The following APC variants were observed in gnomAD, a reference collection of about 807,000 sequenced individuals.
APC encodes APC regulator of Wnt signaling pathway, also known as adenomatous polyposis coli protein.
A neutral mutation model predicts 247.0 loss-of-function variants in APC; 72 were observed. The ratio of observed to expected loss-of-function variants is 0.29; its 90% CI spans 0.24 to 0.35. APC has a LOEUF of 0.35. Ranked by LOEUF, APC falls within the 10% of genes least tolerant of loss-of-function variation. The probability of loss-of-function intolerance (pLI) is 1.00; values close to 1 mark genes in which losing one functional copy is unlikely to be tolerated. For synonymous variants in APC, 1,254 were observed against 1,162.5 expected (o/e 1.08, Z -1.60); for missense variants, 3,400 against 3,360.7 (o/e 1.01, Z -0.29).
chr5:112,732,023 A>G (rs1174108816), intron 1 of APC, among the ~76,000 whole-genome samples: 4 of 152,186 alleles, frequency 2.6e-5, no homozygotes, highest in South Asian at 2.1e-4. Flanking sequence ...TGGCCTCCCA[A>G]AGTGCTGGGG....
chr5:112,838,458 A>G lies in APC; in HGVS notation c.2864A>G (p.Glu955Gly), dbSNP rs1580628314. 2 of 1,614,248 alleles carry G rather than the reference A, an allele frequency of 1.2e-6. No homozygotes were observed. The highest frequency in any genetic ancestry group is 1.7e-6 in the Non-Finnish European group (2 of 1,180,044). The change falls in exon 16 of 16, where the codon GAA becomes GGA. Residue 955 changes from glutamate (E) to glycine (G), a missense_variant. Glu to Gly is a moderately conservative substitution (Grantham distance 98, BLOSUM62 -2). Transcript: ENST00000257430. Reference protein sequence around the residue: ...RTCSMPYAKLEYKRSSNDSLN... With the variant: ...RTCSMPYAKLGYKRSSNDSLN... Reference sequence around the variant, plus strand: ...TGTTCTATGCCTTATGCCAAATTAGAATACAAGAGATCTTCAAATGATAGT... The same window carrying G: ...TGTTCTATGCCTTATGCCAAATTAGGATACAAGAGATCTTCAAATGATAGT...
intron 1 of APC, among the ~76,000 whole-genome samples, chr5:112,713,442 G>A (rs1489270724): frequency 6.6e-6 from 1 of 152,120 alleles, no homozygotes; most frequent in Non-Finnish European, 1.5e-5. Flanking sequence ...CCCTCTTTCC[G>A]ATGTCCATCC....
rs2149872279 is a variant in APC, at chr5:112,838,148, T to C, written c.2554T>C (p.Leu852=). 2 of 1,614,092 alleles carry C rather than the reference T, an allele frequency of 1.2e-6. No individual in the cohort carries two copies. The highest frequency in any genetic ancestry group is 1.7e-6 in the Non-Finnish European group (2 of 1,180,006). The change falls in exon 16 of 16, where the codon TTG becomes CTG. Residue 852 remains leucine, a synonymous_variant. Transcript: ENST00000257430. ...DSSRSEKDRS[L]ERERGIGLGN... Reference sequence around the variant, plus strand: ...TTCTCGTTCTGAAAAAGATAGAAGTTTGGAGAGAGAACGCGGAATTGGTCT... The same window carrying C: ...TTCTCGTTCTGAAAAAGATAGAAGTCTGGAGAGAGAACGCGGAATTGGTCT...
Position 112,838,236 on chromosome 5 carries a change from C to T in APC, c.2642C>T (p.Ser881Phe), listed in dbSNP as rs535344579. ...GTSSKRGLQISTTAAQIAKVM... is the reference protein window; with the variant it reads ...GTSSKRGLQIFTTAAQIAKVM... ...TCTTCAAAGCGAGGTTTGCAGATCT[C>T]CACCACTGCAGCCCAGATTGCCAAA... Residue 881 changes from serine to phenylalanine, a missense_variant, in exon 16 of 16, where the codon TCC (serine) becomes TTC (phenylalanine). Ser to Phe is a radical substitution (Grantham distance 155, BLOSUM62 -2). Coordinates refer to ENST00000257430, the MANE Select transcript of APC (RefSeq NM_000038.6). 3.1e-6 allele frequency: 5 copies of T among 1,613,896 alleles called. No individual in the cohort carries two copies. The Admixed American group carries it at 5.0e-5, about 16-fold the overall frequency.
At chr5:112,804,394 T>C (rs1027027049) in intron 8 of APC, among the ~76,000 whole-genome samples, 1 of 152,178 alleles carries the variant, frequency 6.6e-6, no homozygotes, top group African/African-American at 2.4e-5. Context: ...ATTATAACTT[T>C]TTTTTTGGAG....
intron 6 of APC, chr5:112,783,685 C>A (rs1580390142): frequency 4.7e-6 from 1 of 211,792 alleles, no homozygotes; most frequent in Non-Finnish European, 8.8e-6. Context: ...GACCTAGTTA[C>A]TTGGGAGGCT....
chr5:112,715,323 T>C (rs536385444), intron 1 of APC, among the ~76,000 whole-genome samples: 1 of 152,330 alleles, frequency 6.6e-6, no homozygotes, highest in Admixed American at 6.5e-5. Context: ...ATAAATATTA[T>C]ATATGTACAC....
intron 1 of APC, among the ~76,000 whole-genome samples, chr5:112,744,196 T>G (rs1247885604): frequency 6.6e-6 from 1 of 152,124 alleles, no homozygotes; most frequent in Non-Finnish European, 1.5e-5. Context: ...CCCTTAATAC[T>G]TGGTACCTTG....
At chr5:112,818,857 T>TG in intron 9 of APC, 109 bp from the exon 10 acceptor site, 1 of 995,702 alleles carries the variant, frequency 1.0e-6, no homozygotes, top group South Asian at 1.5e-5. Context: ...CGGGGGGGGT[T>TG]GTTTTGTTTT....
rs772381494 is a variant in APC, at chr5:112,819,177, G to A, written c.1145G>A (p.Arg382Lys). 6.2e-7 allele frequency: 1 copy of A among 1,613,990 alleles called. No homozygotes were observed. Among genetic ancestry groups the A allele is most frequent in the Admixed American group, 1.7e-5 (1 of 59,994 alleles). Residue 382 changes from arginine (R) to lysine (K), a missense_variant, in exon 10 of 16, where the codon AGG becomes AAG. Physicochemically the swap from Arg to Lys is conservative, Grantham distance 26. Coordinates refer to ENST00000257430, the MANE Select transcript of APC (RefSeq NM_000038.6). ...CGGGGCAGTAAAGAGGCTCGGGCCA[G>A]GGCCAGTGCAGCACTCCACAACATC... Reference protein sequence around the residue: ...NSRGSKEARARASAALHNIIH... With the variant: ...NSRGSKEARAKASAALHNIIH...
intron 6 of APC, among the ~76,000 whole-genome samples, chr5:112,784,882 CT>C (rs772347092): frequency 1.1e-4 from 17 of 152,096 alleles, no homozygotes; most frequent in Non-Finnish European, 2.5e-4. Flanking sequence ...AATCCCAGCA[CT>C]TTGGGAGGCT....
At chr5:112,769,046 T>C (rs1335310485) in intron 4 of APC, among the ~76,000 whole-genome samples, 2 of 124,548 alleles carry the variant, frequency 1.6e-5, no homozygotes, top group Admixed American at 9.3e-5. Context: ...TTCTTTTTTT[T>C]CTTCTTTTTT....
chr5:112,784,531 A>G (rs764562424), intron 6 of APC, among the ~76,000 whole-genome samples: 7 of 152,252 alleles, frequency 4.6e-5, no homozygotes, highest in Non-Finnish European at 7.3e-5. Context: ...GGCAGAATGT[A>G]GATACATATT....
At chr5:112,731,150 A>G (rs193140298) in intron 1 of APC, among the ~76,000 whole-genome samples, 5 of 151,954 alleles carry the variant, frequency 3.3e-5, no homozygotes, top group African/African-American at 1.2e-4. Context: ...GTTGTTAGTA[A>G]TTGTTGAGGT....
rs111717700 is a variant in APC at position 112,738,910 on chromosome 5, A to G, written c.-19+985A>G. Among the ~76,000 whole-genome samples the G allele has an allele frequency of 0.013, 1,974 of 152,348 alleles. 49 individuals carry two copies. The highest frequency in any genetic ancestry group is 0.044 in the African/African-American group (1,847 of 41,578). On this transcript the variant is annotated intron_variant, in intron 1 of 15. Coordinates refer to ENST00000257430, the MANE Select transcript of APC (RefSeq NM_000038.6). ...ATCCTATACGAAATCTTAATAAATT[A>G]TGTATGAAACAGTGGATCTTTTCTT... is the stretch of plus-strand genomic sequence containing the variant.
In APC at chr5:112,819,170, C is replaced by T. The variant is rs1436383065; in HGVS notation, c.1138C>T (p.Arg380Trp). 4.3e-6 allele frequency: 7 copies of T among 1,613,982 alleles called. No homozygotes were observed. Among genetic ancestry groups the T allele is most frequent in the Admixed American group, 1.7e-5 (1 of 59,990 alleles). ...LGNSRGSKEA[R>W]ARASAALHNI... The stretch of plus-strand genomic sequence containing the variant: ...AAATTCCCGGGGCAGTAAAGAGGCT[C>T]GGGCCAGGGCCAGTGCAGCACTCCA... Residue 380 changes from arginine to tryptophan, a missense_variant, in exon 10 of 16, where the codon CGG becomes TGG. Physicochemically the swap from Arg to Trp is moderately radical, Grantham distance 101. Transcript: ENST00000257430.
Position 112,839,031 on chromosome 5 carries a change from G to T in APC, c.3437G>T (p.Arg1146Leu), listed in dbSNP as rs763486328. The change falls in exon 16 of 16, where the codon CGT becomes CTT. Residue 1146 changes from arginine (R) to leucine (L), a missense_variant. By Grantham distance (102) the Arg-to-Leu change is moderately radical (BLOSUM62 -2). This residue lies in a region of APC where 715 missense variants were observed against 656.6 expected (regional missense o/e 1.09). Coordinates refer to ENST00000257430, the MANE Select transcript of APC (RefSeq NM_000038.6). This position sits in a 1 kb window ranked among gnomAD's most constrained non-coding sequence, Gnocchi z 5.0. The stretch of plus-strand genomic sequence containing the variant: ...GATAAGCCTACCAATTATAGTGAAC[G>T]TTACTCTGAAGAAGAACAGCATGAA... The part of the protein sequence containing the change: ...EDDKPTNYSE[R>L]YSEEEQHEEE... 1 of 1,614,014 alleles carries T rather than the reference G, an allele frequency of 6.2e-7. No homozygotes were observed.
chr5:112,745,051 AATAG>A (rs370264222), intron 1 of APC, among the ~76,000 whole-genome samples: 2 of 152,238 alleles, frequency 1.3e-5, no homozygotes, highest in African/African-American at 4.8e-5. Flanking sequence ...GTAAGTACTA[AATAG>A]ATATCAGGCT....
chr5:112,762,810 T>C (rs930314924), intron 2 of APC, among the ~76,000 whole-genome samples: 1 of 152,254 alleles, frequency 6.6e-6, no homozygotes, highest in African/African-American at 2.4e-5. Flanking sequence ...ATTTTACATA[T>C]GTGTGTTGTG....
Sources: allele counts gnomAD v4.1 joint callset (sites outside exome capture counted in the v4.1 genomes callset), GRCh38; gene constraint gnomAD v4.1.1; regional missense constraint gnomAD v4.1.1; non-coding constraint Gnocchi (gnomAD v3.1); transcripts MANE v1.5; gene names NCBI Gene and HGNC (gene_info 2026-07-23, HGNC 2026-07-21).